Variants in EPB41L1 observed in about 807,000 individuals in gnomAD.
EPB41L1 encodes band 4.1-like protein 1.
A neutral mutation model predicts 97.8 loss-of-function variants in EPB41L1; 29 were observed. The ratio of observed to expected loss-of-function variants is 0.30; its 90% confidence interval spans 0.22 to 0.40. The LOEUF is 0.40. EPB41L1 is among the 10% of genes least tolerant of loss of function. EPB41L1 has a pLI of 1.00. For synonymous variants in EPB41L1, 383 were observed against 459.2 expected (o/e 0.83, Z 2.12); for missense variants, 812 against 1,162.3 (o/e 0.70, Z 4.38).
intron 14 of EPB41L1, 117 bp downstream of exon 14, chr20:36,198,158 G>T: frequency 2.1e-6 from 2 of 963,268 alleles, no homozygotes; most frequent in East Asian, 5.3e-5. Context: ...CTGCTTAGGG[G>T]CTGGTGGGGA....
intron 21 of EPB41L1, among the ~76,000 whole-genome samples, chr20:36,223,941 T>A (rs2063945829): frequency 6.6e-6 from 1 of 152,228 alleles, no homozygotes; most frequent in Non-Finnish European, 1.5e-5. Context: ...GCTGGTCTCC[T>A]TTTTGCCCTT....
intron 1 of EPB41L1, among the ~76,000 whole-genome samples, chr20:36,097,672 G>A (rs891990128): frequency 6.6e-6 from 1 of 152,218 alleles, no homozygotes; most frequent in African/African-American, 2.4e-5. Context: ...GGAGGAAAAG[G>A]CTTCCTGGAG....
chr20:36,232,569 C>G lies in EPB41L1; in HGVS notation c.*3229C>G, dbSNP rs1339138397. The stretch of plus-strand genomic sequence containing the variant: ...TTTCAGTTTTTGAATCCTGCAAGCA[C>G]ATTCCAAGACTGGCCTGAAACTGCA... On this transcript the variant is annotated 3_prime_UTR_variant, in exon 22 of 22. Transcript: ENST00000338074. 1 of 398,944 alleles carries G rather than the reference C, an allele frequency of 2.5e-6. No homozygotes were observed. The highest frequency in any genetic ancestry group is 4.4e-6 in the Non-Finnish European group (1 of 226,082). 24.7% of individuals were successfully genotyped at this position (398,944 alleles called of 1,614,324 possible).
intron 1 of EPB41L1, among the ~76,000 whole-genome samples, chr20:36,104,079 A>G (rs1335642512): frequency 6.6e-6 from 1 of 152,188 alleles, no homozygotes; most frequent in Admixed American, 6.5e-5. Context: ...AGACAAAAAA[A>G]TAATAATAAC....
intron 6 of EPB41L1, among the ~76,000 whole-genome samples, chr20:36,184,408 G>A (rs1289368675): frequency 6.6e-6 from 1 of 152,140 alleles, no homozygotes; most frequent in Non-Finnish European, 1.5e-5. Context: ...TCGTCCAACT[G>A]TGCATAAAAG....
chr20:36,092,440 C>G lies in EPB41L1; in HGVS notation c.-65+828C>G, dbSNP rs1323162776. On this transcript the variant is annotated intron_variant, in intron 1 of 19. Coordinates refer to the EPB41L1 transcript ENST00000202028. This position sits in a 1 kb window ranked among gnomAD's most constrained non-coding sequence, Gnocchi z 7.0. ...GCCGGGAGGGTTCGCGGGGCTCAGC[C>G]CCTTCCTCTGCTCCCCTCCCCGGGA... Among the ~76,000 whole-genome samples, 1 of 152,012 alleles carries G rather than the reference C, an allele frequency of 6.6e-6. No homozygotes were observed. Among genetic ancestry groups the G allele is most frequent in the African/African-American group, 2.4e-5 (1 of 41,408 alleles).
At chr20:36,118,516 G>A (rs2058656582) in intron 2 of EPB41L1, among the ~76,000 whole-genome samples, 1 of 152,164 alleles carries the variant, frequency 6.6e-6, no homozygotes, top group African/African-American at 2.4e-5. Context: ...GAGCATTGGA[G>A]TTTACAGCTC....
At chr20:36,219,703 C>A in intron 18 of EPB41L1, 58 bp from the exon 19 acceptor site, 1 of 1,523,110 alleles carries the variant, frequency 6.6e-7, no homozygotes, top group Non-Finnish European at 9.1e-7. Flanking sequence ...GCCCTCACCC[C>A]TCCAGAGCCC....
chr20:36,188,641 C>CACACACACACACACACACAG (rs1170858082), intron 9 of EPB41L1, 142 bp downstream of exon 9: 3 of 273,812 alleles, frequency 1.1e-5, no homozygotes, highest in Admixed American at 1.0e-4. Flanking sequence ...CACACACACA[C>CACACACACACACACACACAG]AGAGAGAGAG....
At chr20:36,176,718 A>G (rs780272618) in intron 3 of EPB41L1, among the ~76,000 whole-genome samples, 7 of 149,310 alleles carry the variant, frequency 4.7e-5, no homozygotes, top group African/African-American at 7.4e-5. Context: ...TGCAACCTCA[A>G]TCTCCCAGGT....
At chr20:36,179,644 G>A (rs2061395483) in intron 5 of EPB41L1, among the ~76,000 whole-genome samples, 2 of 152,250 alleles carry the variant, frequency 1.3e-5, no homozygotes, top group Non-Finnish European at 2.9e-5. Flanking sequence ...CCTCGAGGCA[G>A]AGATGCCTCC....
At chr20:36,226,754 CAAG>C (rs1189392447) in intron 21 of EPB41L1, among the ~76,000 whole-genome samples, 5 of 152,106 alleles carry the variant, frequency 3.3e-5, no homozygotes, top group Admixed American at 1.3e-4. Context: ...TGTAATAAAC[CAAG>C]AAGAATAAAT....
chr20:36,120,615 TTC>T (rs2058721590), intron 2 of EPB41L1, among the ~76,000 whole-genome samples: 1 of 152,186 alleles, frequency 6.6e-6, no homozygotes, highest in Admixed American at 6.5e-5. Flanking sequence ...TCTCATCTGT[TTC>T]TCTTTCTCCT....
Position 36,185,946 on chromosome 20 carries a change from G to A in EPB41L1, c.785+611G>A, listed in dbSNP as rs1030983852. Among the ~76,000 whole-genome samples, 5 of 152,190 alleles carry A rather than the reference G, an allele frequency of 3.3e-5. No individual in the cohort carries two copies. The East Asian group carries it at 9.6e-4, about 29-fold the overall frequency. On this transcript the variant is annotated intron_variant, in intron 7 of 21. Transcript: ENST00000338074. ...TTGATCATGCAGGGGAAAGTACCTC[G>A]TTCCAGCAGTTGGACGATAATTAAC...
chr20:36,152,694 G>T (rs1600619535), upstream of EPB41L1: 1 of 280,468 alleles, frequency 3.6e-6, no homozygotes, highest in East Asian at 9.4e-5. Flanking sequence ...GAGTTTTATT[G>T]GTCCTTTCAC....
intron 6 of EPB41L1, 137 bp downstream of exon 6, chr20:36,182,484 G>T (rs1468367887): frequency 2.2e-6 from 2 of 904,140 alleles, no homozygotes; most frequent in Admixed American, 2.0e-5. Context: ...AGACAGCATC[G>T]TACACAGGAA....
chr20:36,207,502 G>A lies in EPB41L1; in HGVS notation c.1669-1986G>A. ...AGCTGAAACTCGCCGAATGAGTGAG[G>A]GTGAAGCAAGGTCCCTTCCAAATGA... On this transcript the variant is annotated intron_variant, in intron 14 of 21. Coordinates refer to ENST00000338074, the MANE Select transcript of EPB41L1 (RefSeq NM_012156.2). This position sits in a 1 kb window ranked among gnomAD's most constrained non-coding sequence, Gnocchi z 4.9. The A allele has an allele frequency of 7.8e-7, 1 of 1,289,818 alleles. No individual in the cohort carries two copies. Among genetic ancestry groups the A allele is most frequent in the Non-Finnish European group, 1.0e-6 (1 of 988,878 alleles). 79.9% of individuals were successfully genotyped at this position (1,289,818 alleles called of 1,614,324 possible). A position where few individuals can be genotyped will look rare whatever the true frequency, so the allele number is the denominator to read the frequency against.
rs994399072 is a variant in EPB41L1, at chr20:36,211,711, G to A, written c.2080-561G>A. Among the ~76,000 whole-genome samples, 6 of 152,208 alleles carry A rather than the reference G, an allele frequency of 3.9e-5. No homozygotes were observed. In the East Asian group the frequency reaches 5.8e-4, roughly 15 times the overall value. On this transcript the variant is annotated intron_variant, in intron 15 of 21. Transcript: ENST00000338074. ...TCTACTAAAAATACAAAAGTTAGCC[G>A]GGTGTGGTGGCATGAGCCTGTAGTG...
chr20:36,173,806 A>C lies in EPB41L1; in HGVS notation c.29A>C (p.Glu10Ala). 6.2e-7 allele frequency: 1 copy of C among 1,614,044 alleles called. No homozygotes were observed. Among genetic ancestry groups the C allele is most frequent in the Non-Finnish European group, 8.5e-7 (1 of 1,179,998 alleles). The change falls in exon 2 of 22, where the codon GAG becomes GCG. Residue 10 changes from glutamate (E) to alanine (A), a missense_variant. Transcript: ENST00000338074. MTTETGPDS[E>A]VKKAQEEAPQ... The stretch of plus-strand genomic sequence containing the variant: ...ACAACAGAGACAGGCCCCGACTCTG[A>C]GGTGAAGAAAGCTCAGGAGGAGGCC...
Sources: gnomAD v4.1 joint callset for allele counts (sites outside exome capture counted in the v4.1 genomes callset) on GRCh38, gnomAD v4.1.1 for gene constraint, Gnocchi (gnomAD v3.1) non-coding constraint, MANE v1.5 for transcripts, NCBI Gene and HGNC (gene_info 2026-07-23, HGNC 2026-07-21) for gene names.